Variants in STX8 observed in about 807,000 individuals in gnomAD.
STX8 encodes syntaxin 8.
A neutral mutation model predicts 37.5 loss-of-function variants in STX8; 23 were observed. The ratio of observed to expected loss-of-function variants is 0.61; its 90% confidence interval spans 0.44 to 0.87. The LOEUF (loss-of-function observed/expected upper bound fraction) is 0.87. STX8 is among the 40% of genes least tolerant of loss of function. The pLI is 0.00. For synonymous variants in STX8, 115 were observed against 99.1 expected (o/e 1.16, Z -0.95); for missense variants, 313 against 284.7 (o/e 1.10, Z -0.71).
intron 7 of STX8, among the ~76,000 whole-genome samples, chr17:9,306,776 CAAACAA>C (rs1411598023): frequency 6.6e-6 from 1 of 151,482 alleles, no homozygotes; most frequent in Non-Finnish European, 1.5e-5. Context: ...AACAAACAAA[CAAACAA>C]AAACAAATAA....
intron 4 of STX8, among the ~76,000 whole-genome samples, chr17:9,537,469 G>A (rs563227385): frequency 3.3e-5 from 5 of 152,300 alleles, no homozygotes; most frequent in African/African-American, 7.2e-5. Context: ...CCTGAAGCTC[G>A]GAGTCACCTT....
At chr17:9,483,541 C>T (rs564563395) in intron 6 of STX8, among the ~76,000 whole-genome samples, 83 of 152,266 alleles carry the variant, frequency 5.5e-4, no homozygotes, top group Middle Eastern at 3.4e-3. Context: ...CAGCCTACCA[C>T]GCTGTTCTTC....
At chr17:9,462,293 C>G (rs1001693075) in intron 6 of STX8, among the ~76,000 whole-genome samples, 1 of 152,174 alleles carries the variant, frequency 6.6e-6, no homozygotes, top group African/African-American at 2.4e-5. Context: ...CAGAAAGGAG[C>G]CCCTGGAGTG....
intron 4 of STX8, among the ~76,000 whole-genome samples, chr17:9,525,817 T>C (rs748701737): frequency 6.6e-6 from 1 of 152,232 alleles, no homozygotes; most frequent in Admixed American, 6.5e-5. Context: ...GTGAGTGCTA[T>C]CGTTCATTAA....
At chr17:9,469,762 T>A (rs1715409126) in intron 6 of STX8, 1 of 152,152 alleles carries the variant, frequency 6.6e-6, no homozygotes, top group African/African-American at 2.4e-5. Flanking sequence ...CCCCTAGAGA[T>A]GGCCAAGTTT....
At chr17:9,326,222 C>T (rs1257290871) in intron 7 of STX8, among the ~76,000 whole-genome samples, 1 of 152,050 alleles carries the variant, frequency 6.6e-6, no homozygotes, top group African/African-American at 2.4e-5. Context: ...CCTTGACCTC[C>T]TGGGCTCAGG....
intron 7 of STX8, among the ~76,000 whole-genome samples, chr17:9,369,954 C>T (rs373764476): frequency 7.6e-4 from 111 of 146,350 alleles, no homozygotes; most frequent in Admixed American, 1.5e-3. Flanking sequence ...GTGGCTCACA[C>T]CTGTAATCCC....
At chr17:9,479,943 C>T (rs946896187) in intron 6 of STX8, among the ~76,000 whole-genome samples, 2 of 152,182 alleles carry the variant, frequency 1.3e-5, no homozygotes, top group East Asian at 1.9e-4. Flanking sequence ...TGCGTAAAGG[C>T]CCTTTGCCTA....
intron 7 of STX8, among the ~76,000 whole-genome samples, chr17:9,346,440 G>T (rs1240408167): frequency 6.6e-6 from 1 of 152,122 alleles, no homozygotes; most frequent in Non-Finnish European, 1.5e-5. Flanking sequence ...GCACTCTGGT[G>T]TGTCATGGAA....
intron 6 of STX8, among the ~76,000 whole-genome samples, chr17:9,464,477 A>G (rs1905524628): frequency 6.6e-6 from 1 of 152,218 alleles, no homozygotes; most frequent in Admixed American, 6.5e-5. Context: ...TTAGCAAAAT[A>G]GCACAAGAAG....
At chr17:9,376,351 C>A (rs1911584850) in intron 7 of STX8, among the ~76,000 whole-genome samples, 1 of 152,154 alleles carries the variant, frequency 6.6e-6, no homozygotes, top group Non-Finnish European at 1.5e-5. Context: ...TAAAAATGCA[C>A]CAATCAGTGC....
At chr17:9,448,969 A>G (rs1904948087) in intron 6 of STX8, among the ~76,000 whole-genome samples, 1 of 152,238 alleles carries the variant, frequency 6.6e-6, no homozygotes, top group Non-Finnish European at 1.5e-5. Context: ...AAAGATACAT[A>G]GATTAAAAAA....
At chr17:9,382,703 G>A (rs1219533211) in intron 6 of STX8, among the ~76,000 whole-genome samples, 1 of 152,182 alleles carries the variant, frequency 6.6e-6, no homozygotes, top group African/African-American at 2.4e-5. Context: ...CAGACTTCTT[G>A]AAAAGGAGTA....
intron 7 of STX8, among the ~76,000 whole-genome samples, chr17:9,260,350 G>A (rs1040455316): frequency 1.7e-4 from 26 of 151,264 alleles, no homozygotes; most frequent in African/African-American, 6.1e-4. Context: ...AAGGCCGGGC[G>A]CGGTGGCTCA....
intron 3 of STX8, among the ~76,000 whole-genome samples, chr17:9,549,396 C>T (rs1033292441): frequency 1.3e-5 from 2 of 152,090 alleles, no homozygotes; most frequent in Admixed American, 1.3e-4. Context: ...CTAGAAGAGG[C>T]CTTAAAGATC....
rs1226451655 is a variant in STX8, at chr17:9,568,473, G to A, written c.18-3C>T. The A allele has an allele frequency of 3.7e-6, 6 of 1,608,594 alleles. No homozygotes were observed. The highest frequency in any genetic ancestry group is 8.5e-7 in the Non-Finnish European group (1 of 1,177,844). ...AAGTAGAATCGTATGTGGAGAACCT[G>A]CACCAAAGTCGTAAAAAGAGAAAAT... is the stretch of plus-strand genomic sequence containing the variant. On this transcript the variant is annotated splice_region_variant and splice_polypyrimidine_tract_variant and intron_variant, in intron 1 of 7. Transcript: ENST00000306357.
chr17:9,476,459 T>C (rs1308869555), intron 6 of STX8, among the ~76,000 whole-genome samples: 1 of 151,604 alleles, frequency 6.6e-6, no homozygotes, highest in African/African-American at 2.4e-5. Flanking sequence ...CTTTTTTTTT[T>C]CTTTTTTTTT....
intron 7 of STX8, among the ~76,000 whole-genome samples, chr17:9,331,725 A>G (rs941808138): frequency 6.6e-5 from 10 of 152,058 alleles, no homozygotes; most frequent in South Asian, 4.1e-4. Flanking sequence ...ATGTCACCTT[A>G]CTGTTAAAGT....
At chr17:9,560,141 T>C (rs1433340036) in intron 2 of STX8, among the ~76,000 whole-genome samples, 2 of 151,200 alleles carry the variant, frequency 1.3e-5, no homozygotes, top group East Asian at 4.0e-4. Flanking sequence ...GGCTCACACC[T>C]GTAATCACAG....
Sources: allele counts gnomAD v4.1 joint callset (sites outside exome capture counted in the v4.1 genomes callset), GRCh38; gene constraint gnomAD v4.1.1; transcripts MANE v1.5; gene names NCBI Gene and HGNC (gene_info 2026-07-23, HGNC 2026-07-21).